FAM78B: variants seen among roughly 807,000 people sequenced by gnomAD.
FAM78B encodes family with sequence similarity 78 member B, also known as protein FAM78B.
In FAM78B, 10 loss-of-function variants were observed where a neutral mutation model predicts 20.0. That is an observed-to-expected ratio of 0.50 (90% CI 0.31 to 0.85). The LOEUF (loss-of-function observed/expected upper bound fraction) is 0.85. Among genes scored for constraint, FAM78B ranks in the 40% least tolerant of loss-of-function variants. The pLI is 0.05. For synonymous variants in FAM78B, 135 were observed against 132.8 expected (o/e 1.02, Z -0.12); for missense variants, 283 against 345.0 (o/e 0.82, Z 1.42).
At chr1:166,120,905 C>T (rs1654443352) in intron 1 of FAM78B, among the ~76,000 whole-genome samples, 1 of 152,216 alleles carries the variant, frequency 6.6e-6, no homozygotes, top group Non-Finnish European at 1.5e-5. Context: ...CAACACTCTC[C>T]CCTTCATCCA....
At chr1:166,079,404 T>A (rs1468766390) in intron 1 of FAM78B, among the ~76,000 whole-genome samples, 1 of 152,226 alleles carries the variant, frequency 6.6e-6, no homozygotes, top group Non-Finnish European at 1.5e-5. Context: ...CCAGAGTCTA[T>A]TCAGGCCTTT....
intron 1 of FAM78B, among the ~76,000 whole-genome samples, chr1:166,112,435 T>C (rs1325359368): frequency 1.3e-5 from 2 of 152,216 alleles, no homozygotes; most frequent in Non-Finnish European, 2.9e-5. Flanking sequence ...GTGAAGTCTC[T>C]GGAGTTTGAA....
chr1:166,056,823 T>G (rs1002779393), downstream of FAM78B, among the ~76,000 whole-genome samples: 1 of 152,028 alleles, frequency 6.6e-6, no homozygotes, highest in African/African-American at 2.4e-5. Context: ...ATGAGGAGAG[T>G]GCTATGTTCC....
At chr1:166,084,744 G>A (rs909579108) in intron 1 of FAM78B, among the ~76,000 whole-genome samples, 2 of 152,158 alleles carry the variant, frequency 1.3e-5, no homozygotes, top group Non-Finnish European at 2.9e-5. Context: ...GAGGACTACA[G>A]CTCTTGAGCC....
At chr1:166,124,563 G>A (rs1654574794) in intron 1 of FAM78B, among the ~76,000 whole-genome samples, 1 of 152,206 alleles carries the variant, frequency 6.6e-6, no homozygotes, top group African/African-American at 2.4e-5. Flanking sequence ...AGATCACAGA[G>A]TTATAAGTAG....
intron 1 of FAM78B, among the ~76,000 whole-genome samples, chr1:166,101,121 A>G (rs1001628987): frequency 3.3e-5 from 5 of 152,222 alleles, no homozygotes; most frequent in Non-Finnish European, 2.9e-5. Flanking sequence ...ACAGACCTGC[A>G]ACTGAGGGTC....
intron 1 of FAM78B, among the ~76,000 whole-genome samples, chr1:166,121,765 G>T (rs1654471756): frequency 6.6e-6 from 1 of 152,172 alleles, no homozygotes; most frequent in Non-Finnish European, 1.5e-5. Flanking sequence ...CTATAGATGA[G>T]GAACCTGAGA....
chr1:166,123,264 GC>G (rs955108164), intron 1 of FAM78B, among the ~76,000 whole-genome samples: 3 of 152,196 alleles, frequency 2.0e-5, no homozygotes, highest in African/African-American at 7.2e-5. Flanking sequence ...GGTTCAGAAG[GC>G]CCCAGGCTGG....
chr1:166,092,138 G>A (rs1653101426), intron 1 of FAM78B, among the ~76,000 whole-genome samples: 1 of 151,120 alleles, frequency 6.6e-6, no homozygotes, highest in Non-Finnish European at 1.5e-5. Context: ...AGGATGATCT[G>A]CCCAAAATAC....
chr1:166,076,321 CTG>C (rs1188680037), intron 1 of FAM78B, among the ~76,000 whole-genome samples: 4 of 152,154 alleles, frequency 2.6e-5, no homozygotes, highest in Non-Finnish European at 5.9e-5. Flanking sequence ...ATTCTGGCCT[CTG>C]TGCTGTTCAT....
rs530468001 is a variant in FAM78B at position 166,131,338 on chromosome 1, T to C, written c.263+34648A>G. Among the ~76,000 whole-genome samples, 5 of 152,232 alleles carry C rather than the reference T, an allele frequency of 3.3e-5. No homozygotes were observed. The South Asian group carries it at 1.0e-3, about 32-fold the overall frequency. ...GCTTTTTAATAGTGTCTCCAAATTA[T>C]GTAAGACAGTGAGAGGCAATGTCAG... On this transcript the variant is annotated intron_variant, in intron 1 of 1. Transcript: ENST00000354422.
chr1:166,067,222 C>T (rs1281088434), downstream of FAM78B, among the ~76,000 whole-genome samples: 1 of 152,068 alleles, frequency 6.6e-6, no homozygotes, highest in African/African-American at 2.4e-5. Flanking sequence ...GGGGCCTTCT[C>T]TTGGCTCTTC....
intron 1 of FAM78B, among the ~76,000 whole-genome samples, chr1:166,077,688 TA>T (rs201582987): frequency 0.027 from 3,848 of 140,192 alleles, 205 homozygotes; most frequent in African/African-American, 0.098. Context: ...TATTTATATA[TA>T]AATTATATAT....
At chr1:166,108,703 A>G (rs1653881415) in intron 1 of FAM78B, among the ~76,000 whole-genome samples, 1 of 152,218 alleles carries the variant, frequency 6.6e-6, no homozygotes, top group South Asian at 2.1e-4. Context: ...GCATAGCCAA[A>G]GCAAGACTAA....
intron 1 of FAM78B, among the ~76,000 whole-genome samples, chr1:166,159,673 C>A (rs996664303): frequency 6.6e-6 from 1 of 152,210 alleles, no homozygotes; most frequent in African/African-American, 2.4e-5. Context: ...TTCCCCAACC[C>A]ATCCAGTGCC....
chr1:166,078,257 C>T (rs1652415673), intron 1 of FAM78B, among the ~76,000 whole-genome samples: 1 of 151,976 alleles, frequency 6.6e-6, no homozygotes, highest in Non-Finnish European at 1.5e-5. Flanking sequence ...GTCTCATCTC[C>T]TGACCTGGTG....
Position 166,102,213 on chromosome 1 carries a change from T to C in FAM78B, c.264-31450A>G, listed in dbSNP as rs183082644. 3.8e-3 allele frequency among the ~76,000 whole-genome samples: 581 copies of C among 152,246 alleles called. 4 individuals carry two copies. Among genetic ancestry groups the C allele is most frequent in the Middle Eastern group, 0.01 (3 of 294 alleles). ...CTAAAAGAGCTCCTGAAGGAAGCAC[T>C]AAACATGAAAGGAACAACCGGTAAC... On this transcript the variant is annotated intron_variant, in intron 1 of 1. Transcript: ENST00000354422.
At chr1:166,152,497 A>G (rs1655713933) in intron 1 of FAM78B, among the ~76,000 whole-genome samples, 1 of 151,966 alleles carries the variant, frequency 6.6e-6, no homozygotes, top group African/African-American at 2.4e-5. Flanking sequence ...TGCCCAGAGG[A>G]CAACCATGTG....
At chr1:166,151,030 T>G (rs1655651177) in intron 1 of FAM78B, among the ~76,000 whole-genome samples, 1 of 152,228 alleles carries the variant, frequency 6.6e-6, no homozygotes, top group Non-Finnish European at 1.5e-5. Flanking sequence ...GGTATAGAAG[T>G]TGATTTTTGC....
Sources: allele counts gnomAD v4.1 joint callset (sites outside exome capture counted in the v4.1 genomes callset), GRCh38; gene constraint gnomAD v4.1.1; transcripts MANE v1.5; gene names NCBI Gene and HGNC (gene_info 2026-07-23, HGNC 2026-07-21).